H2BC15: variants seen among roughly 807,000 people sequenced by gnomAD.
H2BC15 encodes the protein H2B clustered histone 15.
Under a neutral mutation model 6.6 loss-of-function variants are expected in H2BC15, and 5 were observed. That is an observed-to-expected ratio of 0.75 (90% CI 0.39 to 1.59). H2BC15 has a LOEUF of 1.59. Among genes scored for constraint, H2BC15 ranks in the 40% most tolerant of loss-of-function variants. The pLI, the probability that H2BC15 is intolerant of heterozygous loss-of-function variation, is 0.02. For synonymous variants in H2BC15, 87 were observed against 75.2 expected (o/e 1.16, Z -0.81); for missense variants, 148 against 169.4 (o/e 0.87, Z 0.70).
rs1761089295 is a variant in H2BC15, at chr6:27,838,760, C to T, written c.99C>T (p.Ser33=). The change falls in exon 1 of 1, where the codon AGC becomes AGT. Residue 33 remains serine (S), a synonymous_variant. Transcript: ENST00000612898. ...AGGACGGCAAGAAGCGCAAGCGCAG[C>T]CGCAAGGAGAGCTACTCCGTGTACG... The part of the protein sequence containing the change: ...QKKDGKKRKR[S]RKESYSVYVY... 6.2e-7 allele frequency: 1 copy of T among 1,614,136 alleles called. No individual in the cohort carries two copies. Among genetic ancestry groups the T allele is most frequent in the African/African-American group, 1.3e-5 (1 of 74,944 alleles).
In H2BC15 at chr6:27,838,878, C is replaced by T. The variant is rs910512797; in HGVS notation, c.217C>T (p.Arg73Cys). The change falls in exon 1 of 1, where the codon CGC becomes TGC. Residue 73 changes from arginine (R) to cysteine (C), a missense_variant. Around this residue, in one of 2 missense-constraint regions of H2BC15, gnomAD observed 58 missense variants for 94.6 expected, o/e 0.61. Coordinates refer to ENST00000612898, the MANE Select transcript of H2BC15 (RefSeq NM_003520.4). ...MNSFVNDIFE[R>C]IAGEASRLAH... is the part of the protein sequence containing the mutation. Reference sequence around the variant, plus strand: ...CTCCTTCGTCAATGACATCTTCGAGCGCATCGCCGGCGAGGCTTCCCGCCT... The same window carrying T: ...CTCCTTCGTCAATGACATCTTCGAGTGCATCGCCGGCGAGGCTTCCCGCCT... 2.5e-6 allele frequency: 4 copies of T among 1,614,156 alleles called. No homozygotes were observed. The highest frequency in any genetic ancestry group is 3.3e-5 in the Admixed American group (2 of 60,016).
rs756876974 is a variant in H2BC15, at chr6:27,838,689, G to T, written c.28G>T (p.Ala10Ser). The T allele has an allele frequency of 2.5e-6, 4 of 1,614,074 alleles. No individual in the cohort carries two copies. Among genetic ancestry groups the T allele is most frequent in the Non-Finnish European group, 3.4e-6 (4 of 1,180,008 alleles). The change falls in exon 1 of 1, where the codon GCC becomes TCC. Residue 10 changes from alanine (A) to serine (S), a missense_variant. Coordinates refer to ENST00000612898, the MANE Select transcript of H2BC15 (RefSeq NM_003520.4). Reference protein sequence around the residue: MPEPSKSAPAPKKGSKKAVT... With the variant: MPEPSKSAPSPKKGSKKAVT... ...GCCCGAGCCCTCAAAGTCCGCTCCT[G>T]CCCCGAAGAAAGGCTCCAAGAAGGC...
Position 27,838,690 on chromosome 6 carries a change from C to G in H2BC15, c.29C>G (p.Ala10Gly). The G allele has an allele frequency of 1.2e-6, 2 of 1,614,160 alleles. No homozygotes were observed. The highest frequency in any genetic ancestry group is 1.7e-6 in the Non-Finnish European group (2 of 1,180,032). Residue 10 changes from alanine to glycine, a missense_variant, in exon 1 of 1, where the codon GCC becomes GGC. This residue lies in a region of H2BC15 where 90 missense variants were observed against 74.7 expected (regional missense o/e 1.20). Coordinates refer to ENST00000612898, the MANE Select transcript of H2BC15 (RefSeq NM_003520.4). MPEPSKSAPAPKKGSKKAVT... is the reference protein window; with the variant it reads MPEPSKSAPGPKKGSKKAVT... ...CCCGAGCCCTCAAAGTCCGCTCCTG[C>G]CCCGAAGAAAGGCTCCAAGAAGGCA...
rs1761092916 is a variant in H2BC15, at chr6:27,838,879, G to T, written c.218G>T (p.Arg73Leu). The change falls in exon 1 of 1, where the codon CGC (arginine) becomes CTC (leucine). Residue 73 changes from arginine (R) to leucine (L), a missense_variant. Arg to Leu is a moderately radical substitution (Grantham distance 102). Around this residue, in one of 2 missense-constraint regions of H2BC15, gnomAD observed 58 missense variants for 94.6 expected, o/e 0.61. Coordinates refer to ENST00000612898, the MANE Select transcript of H2BC15 (RefSeq NM_003520.4). The part of the protein sequence containing the change: ...MNSFVNDIFE[R>L]IAGEASRLAH... ...TCCTTCGTCAATGACATCTTCGAGC[G>T]CATCGCCGGCGAGGCTTCCCGCCTG... 6.2e-7 allele frequency: 1 copy of T among 1,614,258 alleles called. No homozygotes were observed. Among genetic ancestry groups the T allele is most frequent in the Non-Finnish European group, 8.5e-7 (1 of 1,180,042 alleles).
In H2BC15 at chr6:27,838,673, C is replaced by G; in HGVS notation, c.12C>G (p.Pro4=). 2 of 1,614,090 alleles carry G rather than the reference C, an allele frequency of 1.2e-6. No individual in the cohort carries two copies. Among genetic ancestry groups the G allele is most frequent in the Non-Finnish European group, 1.7e-6 (2 of 1,180,010 alleles). ...AGTTACTCCCAGTCATGCCCGAGCC[C>G]TCAAAGTCCGCTCCTGCCCCGAAGA... MPE[P]SKSAPAPKKG... is the part of the protein sequence containing the mutation. The change falls in exon 1 of 1, where the codon CCC becomes CCG. Residue 4 remains proline (P), a synonymous_variant. Transcript: ENST00000612898.
rs748458243 is a variant in H2BC15, at chr6:27,838,785, G to A, written c.124G>A (p.Val42Met). The A allele has an allele frequency of 9.0e-5, 146 of 1,614,132 alleles. No individual in the cohort carries two copies. The highest frequency in any genetic ancestry group is 1.1e-4 in the Non-Finnish European group (130 of 1,180,046). The change falls in exon 1 of 1, where the codon GTG becomes ATG. Residue 42 changes from valine (V) to methionine (M), a missense_variant. Physicochemically the swap from Val to Met is conservative, Grantham distance 21. This residue lies in a region of H2BC15 where 90 missense variants were observed against 74.7 expected (regional missense o/e 1.20). Transcript: ENST00000612898. ...RSRKESYSVY[V>M]YKVLKQVHPD... ...CCGCAAGGAGAGCTACTCCGTGTAC[G>A]TGTACAAGGTGCTGAAGCAGGTCCA...
rs1346538929 is a variant in H2BC15 at position 27,839,091 on chromosome 6, G to C, written c.*49G>C. ...GTCAGTCTCGGCCCACACCCCAAAG[G>C]CTCTTTTCAGAGCCACTCAGTCTTC... is the stretch of plus-strand genomic sequence containing the variant. On this transcript the variant is annotated 3_prime_UTR_variant, in exon 1 of 1. Transcript: ENST00000612898. The C allele has an allele frequency of 1.3e-6, 2 of 1,596,722 alleles. No individual in the cohort carries two copies. The highest frequency in any genetic ancestry group is 2.2e-5 in the South Asian group (2 of 89,364).
chr6:27,838,889 C>T lies in H2BC15; in HGVS notation c.228C>T (p.Gly76=). 1.2e-6 allele frequency: 2 copies of T among 1,614,278 alleles called. No homozygotes were observed. The highest frequency in any genetic ancestry group is 1.1e-5 in the South Asian group (1 of 91,088). The part of the protein sequence containing the change: ...FVNDIFERIA[G]EASRLAHYNK... ...ATGACATCTTCGAGCGCATCGCCGGCGAGGCTTCCCGCCTGGCGCATTACA... is the reference window on the plus strand; with the variant it reads ...ATGACATCTTCGAGCGCATCGCCGGTGAGGCTTCCCGCCTGGCGCATTACA... The change falls in exon 1 of 1, where the codon GGC becomes GGT. Residue 76 remains glycine (G), a synonymous_variant. Transcript: ENST00000612898.
Position 27,838,624 on chromosome 6 carries a change from G to T in H2BC15, c.-38G>T. 1 of 1,609,206 alleles carries T rather than the reference G, an allele frequency of 6.2e-7. No homozygotes were observed. Among genetic ancestry groups the T allele is most frequent in the Non-Finnish European group, 8.5e-7 (1 of 1,177,608 alleles). On this transcript the variant is annotated 5_prime_UTR_variant, in exon 1 of 1. Coordinates refer to ENST00000612898, the MANE Select transcript of H2BC15 (RefSeq NM_003520.4). The stretch of plus-strand genomic sequence containing the variant: ...AGGTTGACAGAGCTACCGTCTTCCT[G>T]TTTTTTTCCTCCAATTTTCCGGCAG...
chr6:27,838,804 A>C lies in H2BC15; in HGVS notation c.143A>C (p.Gln48Pro). 1 of 1,614,280 alleles carries C rather than the reference A, an allele frequency of 6.2e-7. No homozygotes were observed. The highest frequency in any genetic ancestry group is 8.5e-7 in the Non-Finnish European group (1 of 1,180,048). The change falls in exon 1 of 1, where the codon CAG becomes CCG. Residue 48 changes from glutamine to proline, a missense_variant. By Grantham distance (76) the Gln-to-Pro change is moderately conservative. Transcript: ENST00000612898. Reference sequence around the variant, plus strand: ...GTGTACGTGTACAAGGTGCTGAAGCAGGTCCACCCCGACACCGGTATCTCG... The same window carrying C: ...GTGTACGTGTACAAGGTGCTGAAGCCGGTCCACCCCGACACCGGTATCTCG... Reference protein sequence around the residue: ...YSVYVYKVLKQVHPDTGISSK... With the variant: ...YSVYVYKVLKPVHPDTGISSK...
rs1235212013 is a variant in H2BC15 at position 27,838,616 on chromosome 6, G to A, written c.-46G>A. 1.9e-6 allele frequency: 3 copies of A among 1,606,622 alleles called. No homozygotes were observed. Among genetic ancestry groups the A allele is most frequent in the Non-Finnish European group, 1.7e-6 (2 of 1,176,296 alleles). On this transcript the variant is annotated 5_prime_UTR_variant, in exon 1 of 1. Transcript: ENST00000612898. ...TAAGCGGTAGGTTGACAGAGCTACC[G>A]TCTTCCTGTTTTTTTCCTCCAATTT...
At position 27,839,055 on chromosome 6, in the gene H2BC15, C is replaced by A. The variant is rs560181028; in HGVS notation, c.*13C>A. ...CAGTTCCAAGTGAGCCCGCCCACCG[C>A]GGAACGTTCGGTCAGTCTCGGCCCA... is the stretch of plus-strand genomic sequence containing the variant. On this transcript the variant is annotated 3_prime_UTR_variant, in exon 1 of 1. Coordinates refer to ENST00000612898, the MANE Select transcript of H2BC15 (RefSeq NM_003520.4). 6.2e-6 allele frequency: 10 copies of A among 1,613,126 alleles called. No homozygotes were observed. Among genetic ancestry groups the A allele is most frequent in the Non-Finnish European group, 8.5e-6 (10 of 1,179,380 alleles).
chr6:27,838,677 A>G lies in H2BC15; in HGVS notation c.16A>G (p.Lys6Glu), dbSNP rs751283665. Reference protein sequence around the residue: MPEPSKSAPAPKKGSK... With the variant: MPEPSESAPAPKKGSK... ...ACTCCCAGTCATGCCCGAGCCCTCA[A>G]AGTCCGCTCCTGCCCCGAAGAAAGG... Residue 6 changes from lysine (K) to glutamate (E), a missense_variant, in exon 1 of 1, where the codon AAG (lysine) becomes GAG (glutamate). By Grantham distance (56) the Lys-to-Glu change is moderately conservative (BLOSUM62 1). Transcript: ENST00000612898. The G allele has an allele frequency of 6.2e-7, 1 of 1,614,068 alleles. No homozygotes were observed.
Position 27,838,870 on chromosome 6 carries a change from T to A in H2BC15, c.209T>A (p.Ile70Asn). ...MGIMNSFVNDIFERIAGEASR... is the reference protein window; with the variant it reads ...MGIMNSFVNDNFERIAGEASR... ...ATCATGAACTCCTTCGTCAATGACA[T>A]CTTCGAGCGCATCGCCGGCGAGGCT... The change falls in exon 1 of 1, where the codon ATC (isoleucine) becomes AAC (asparagine). Residue 70 changes from isoleucine (I) to asparagine (N), a missense_variant. Ile to Asn is a moderately radical substitution (Grantham distance 149). Coordinates refer to ENST00000612898, the MANE Select transcript of H2BC15 (RefSeq NM_003520.4). The A allele has an allele frequency of 6.2e-7, 1 of 1,614,272 alleles. No homozygotes were observed. Among genetic ancestry groups the A allele is most frequent in the Non-Finnish European group, 8.5e-7 (1 of 1,180,052 alleles).
rs904260107 is a variant in H2BC15, at chr6:27,838,725, G to A, written c.64G>A (p.Ala22Thr). 1.2e-6 allele frequency: 2 copies of A among 1,614,066 alleles called. No homozygotes were observed. The highest frequency in any genetic ancestry group is 2.7e-5 in the African/African-American group (2 of 74,910). ...KKGSKKAVTK[A>T]QKKDGKKRKR... ...AGGCTCCAAGAAGGCAGTGACAAAG[G>A]CCCAGAAGAAGGACGGCAAGAAGCG... Residue 22 changes from alanine (A) to threonine (T), a missense_variant, in exon 1 of 1, where the codon GCC becomes ACC. Physicochemically the swap from Ala to Thr is moderately conservative, Grantham distance 58. Transcript: ENST00000612898.
Position 27,838,569 on chromosome 6 carries a change from A to T in H2BC15, c.-93A>T. The T allele has an allele frequency of 1.3e-6, 2 of 1,553,274 alleles. No homozygotes were observed. Among genetic ancestry groups the T allele is most frequent in the Non-Finnish European group, 1.7e-6 (2 of 1,149,528 alleles). On this transcript the variant is annotated 5_prime_UTR_variant, in exon 1 of 1. Transcript: ENST00000612898. ...AACGCACAACTTCATTCTCTACCCCACTTGCGTTAAGAAGCAGTGAATAAG... is the reference window on the plus strand; with the variant it reads ...AACGCACAACTTCATTCTCTACCCCTCTTGCGTTAAGAAGCAGTGAATAAG...
rs762122622 is a variant in H2BC15, at chr6:27,838,637, A to G, written c.-25A>G. 8 of 1,607,286 alleles carry G rather than the reference A, an allele frequency of 5.0e-6. No individual in the cohort carries two copies. In the African/African-American group the frequency reaches 9.4e-5, roughly 19 times the overall value. The stretch of plus-strand genomic sequence containing the variant: ...TACCGTCTTCCTGTTTTTTTCCTCC[A>G]ATTTTCCGGCAGTTACTCCCAGTCA... On this transcript the variant is annotated 5_prime_UTR_variant, in exon 1 of 1. Coordinates refer to ENST00000612898, the MANE Select transcript of H2BC15 (RefSeq NM_003520.4).
chr6:27,838,647 C>T lies in H2BC15; in HGVS notation c.-15C>T, dbSNP rs780060222. 9.9e-6 allele frequency: 16 copies of T among 1,610,286 alleles called. No individual in the cohort carries two copies. The highest frequency in any genetic ancestry group is 1.3e-5 in the Non-Finnish European group (15 of 1,178,450). On this transcript the variant is annotated 5_prime_UTR_variant, in exon 1 of 1. Coordinates refer to ENST00000612898, the MANE Select transcript of H2BC15 (RefSeq NM_003520.4). ...CTGTTTTTTTCCTCCAATTTTCCGG[C>T]AGTTACTCCCAGTCATGCCCGAGCC...
At position 27,838,716 on chromosome 6, in the gene H2BC15, G is replaced by C; in HGVS notation, c.55G>C (p.Val19Leu). The C allele has an allele frequency of 6.2e-7, 1 of 1,614,256 alleles. No individual in the cohort carries two copies. The highest frequency in any genetic ancestry group is 8.5e-7 in the Non-Finnish European group (1 of 1,180,050). ...PAPKKGSKKAVTKAQKKDGKK... is the reference protein window; with the variant it reads ...PAPKKGSKKALTKAQKKDGKK... Reference sequence around the variant, plus strand: ...CCCGAAGAAAGGCTCCAAGAAGGCAGTGACAAAGGCCCAGAAGAAGGACGG... The same window carrying C: ...CCCGAAGAAAGGCTCCAAGAAGGCACTGACAAAGGCCCAGAAGAAGGACGG... The change falls in exon 1 of 1, where the codon GTG becomes CTG. Residue 19 changes from valine (V) to leucine (L), a missense_variant. Physicochemically the swap from Val to Leu is conservative, Grantham distance 32. Around this residue, in one of 2 missense-constraint regions of H2BC15, gnomAD observed 90 missense variants for 74.7 expected, o/e 1.20. Coordinates refer to ENST00000612898, the MANE Select transcript of H2BC15 (RefSeq NM_003520.4).
Sources: allele counts gnomAD v4.1 joint callset, GRCh38; gene constraint gnomAD v4.1.1; regional missense constraint gnomAD v4.1.1; transcripts MANE v1.5; gene names NCBI Gene and HGNC (gene_info 2026-07-23, HGNC 2026-07-21).